EFCAB5: variants seen among roughly 807,000 people sequenced by gnomAD.
EFCAB5 encodes the protein EF-hand calcium-binding domain-containing protein 5.
A neutral mutation model predicts 167.9 loss-of-function variants in EFCAB5; 131 were observed. The ratio of observed to expected loss-of-function variants is 0.78; its 90% confidence interval spans 0.68 to 0.90. The LOEUF is 0.90. Among genes scored for constraint, EFCAB5 ranks in the 40% least tolerant of loss-of-function variants. The pLI is 0.00. For missense variants in EFCAB5, 1,663 were observed against 1,745.2 expected (o/e 0.95, Z 0.84); for synonymous variants, 574 against 602.8 (o/e 0.95, Z 0.70).
In EFCAB5 at chr17:30,053,892, A is replaced by G. The variant is rs903059941; in HGVS notation, c.1938A>G (p.Glu646=). 1 of 1,614,030 alleles carries G rather than the reference A, an allele frequency of 6.2e-7. No homozygotes were observed. The highest frequency in any genetic ancestry group is 1.1e-5 in the South Asian group (1 of 91,080). Residue 646 remains glutamate, a synonymous_variant, in exon 10 of 23, where the codon GAA becomes GAG. Transcript: ENST00000394835. ...QGSLRESVIE[E]PYQKSEQGPY... ...CACTCAGAGAGTCAGTAATAGAAGAACCATACCAAAAATCAGAACAAGGAC... is the reference window on the plus strand; with the variant it reads ...CACTCAGAGAGTCAGTAATAGAAGAGCCATACCAAAAATCAGAACAAGGAC...
At chr17:29,973,305 T>C (rs1195873563) in intron 4 of EFCAB5, among the ~76,000 whole-genome samples, 2 of 152,036 alleles carry the variant, frequency 1.3e-5, no homozygotes, top group Non-Finnish European at 2.9e-5. Flanking sequence ...CAGACAACCT[T>C]TGGGGTGTCT....
intron 14 of EFCAB5, among the ~76,000 whole-genome samples, chr17:30,063,487 G>A (rs1349819433): frequency 6.6e-6 from 1 of 152,148 alleles, no homozygotes; most frequent in African/African-American, 2.4e-5. Flanking sequence ...CTGCCCCCCA[G>A]GGGTAGAATC....
In EFCAB5 at chr17:30,006,779, AG is replaced by A. The variant is rs970900040; in HGVS notation, c.1044+6809del. 2.0e-5 allele frequency among the ~76,000 whole-genome samples: 3 copies of A among 152,190 alleles called. No homozygotes were observed. The South Asian group carries it at 6.2e-4, about 32-fold the overall frequency. ...ATTCTCCCACATCAGCCTCCCAAGT[AG>A]GGGGGATGCCACTTTGCCTGGCACA... is the stretch of plus-strand genomic sequence containing the variant. On this transcript the variant is annotated intron_variant, in intron 7 of 22. Transcript: ENST00000394835.
chr17:29,955,075 A>AAG (rs1357964631), intron 3 of EFCAB5, among the ~76,000 whole-genome samples: 3 of 152,146 alleles, frequency 2.0e-5, no homozygotes, highest in Non-Finnish European at 4.4e-5. Flanking sequence ...CTTGCTTTTG[A>AAG]TTTTACAGGC....
intron 12 of EFCAB5, among the ~76,000 whole-genome samples, chr17:30,057,382 C>T (rs1478777031): frequency 1.3e-5 from 2 of 152,296 alleles, no homozygotes; most frequent in East Asian, 1.9e-4. Flanking sequence ...CTGAGGCTAA[C>T]TCTCATTGGC....
At chr17:30,076,553 G>A (rs1304660544) in intron 14 of EFCAB5, among the ~76,000 whole-genome samples, 10 of 152,228 alleles carry the variant, frequency 6.6e-5, no homozygotes, top group African/African-American at 2.4e-4. Flanking sequence ...CGAGTGCCAG[G>A]TAGTATTTGT....
intron 22 of EFCAB5, among the ~76,000 whole-genome samples, chr17:30,094,556 G>GCC (rs1274977261): frequency 1.4e-5 from 2 of 147,264 alleles, no homozygotes; most frequent in African/African-American, 5.1e-5. Context: ...GGTGGTGCAC[G>GCC]CCTGTAATCC....
At chr17:30,002,046 C>G (rs2068674125) in intron 7 of EFCAB5, among the ~76,000 whole-genome samples, 1 of 152,166 alleles carries the variant, frequency 6.6e-6, no homozygotes. Context: ...CATAGTGAGA[C>G]ATGTAAGTTT....
At chr17:30,059,764 A>G in intron 14 of EFCAB5, 63 bp downstream of exon 14, 2 of 1,406,188 alleles carry the variant, frequency 1.4e-6, no homozygotes, top group Non-Finnish European at 1.9e-6. Flanking sequence ...GTTTCTCAGT[A>G]CACATATACA....
chr17:30,038,093 A>T (rs922675115), intron 8 of EFCAB5, among the ~76,000 whole-genome samples: 4 of 152,206 alleles, frequency 2.6e-5, no homozygotes, highest in Admixed American at 2.6e-4. Flanking sequence ...GAATGCAAGG[A>T]AAAGTTCTTG....
intron 8 of EFCAB5, among the ~76,000 whole-genome samples, chr17:30,040,252 G>A (rs534223877): frequency 6.6e-6 from 1 of 152,312 alleles, no homozygotes; most frequent in East Asian, 1.9e-4. Context: ...GGGCCATCCA[G>A]CCTCCATCTT....
intron 7 of EFCAB5, among the ~76,000 whole-genome samples, chr17:30,002,371 G>T (rs1191668431): frequency 1.3e-5 from 2 of 152,066 alleles, no homozygotes; most frequent in African/African-American, 4.8e-5. Flanking sequence ...AGCACATGTA[G>T]ATTTCTGTTA....
At chr17:30,013,875 GTTCTT>G (rs1164416590) in intron 7 of EFCAB5, among the ~76,000 whole-genome samples, 3 of 152,166 alleles carry the variant, frequency 2.0e-5, no homozygotes, top group Non-Finnish European at 4.4e-5. Context: ...TGCTTCTCTA[GTTCTT>G]TTAATTGTGA....
At chr17:30,097,526 A>T (rs2071321275) in intron 22 of EFCAB5, among the ~76,000 whole-genome samples, 3 of 152,208 alleles carry the variant, frequency 2.0e-5, no homozygotes. Context: ...TGTTATGCAC[A>T]TATTGCTGTC....
At chr17:30,077,134 T>C (rs2070883655) in intron 14 of EFCAB5, among the ~76,000 whole-genome samples, 1 of 152,066 alleles carries the variant, frequency 6.6e-6, no homozygotes, top group African/African-American at 2.4e-5. Context: ...AAACCCCACC[T>C]CTACTGAAAA....
At chr17:30,065,482 GA>G (rs1034768220) in intron 14 of EFCAB5, among the ~76,000 whole-genome samples, 16 of 152,212 alleles carry the variant, frequency 1.1e-4, no homozygotes, top group African/African-American at 3.6e-4. Context: ...CCAAAATGGT[GA>G]AACCCCATCT....
chr17:29,965,094 G>A (rs546320515), intron 3 of EFCAB5, among the ~76,000 whole-genome samples: 5 of 151,752 alleles, frequency 3.3e-5, no homozygotes, highest in African/African-American at 1.2e-4. Flanking sequence ...TTACAGAGAT[G>A]GGGTTTCATC....
At chr17:30,051,771 A>T (rs773250344) in intron 9 of EFCAB5, among the ~76,000 whole-genome samples, 1 of 152,076 alleles carries the variant, frequency 6.6e-6, no homozygotes, top group Non-Finnish European at 1.5e-5. Context: ...GTTGCCAAGG[A>T]TAGTCTCAAA....
upstream of EFCAB5, among the ~76,000 whole-genome samples, chr17:29,940,156 A>G: frequency 6.7e-6 from 1 of 149,146 alleles, no homozygotes; most frequent in Non-Finnish European, 1.5e-5. Flanking sequence ...GCTCGCTGCA[A>G]CCTCCGCCTC....
Sources: allele counts gnomAD v4.1 joint callset (sites outside exome capture counted in the v4.1 genomes callset), GRCh38; gene constraint gnomAD v4.1.1; transcripts MANE v1.5; gene names NCBI Gene and HGNC (gene_info 2026-07-23, HGNC 2026-07-21).